TMEM132C: variants seen among roughly 807,000 people sequenced by gnomAD.
The protein encoded by TMEM132C is transmembrane protein 132C.
TMEM132C carries 29 observed loss-of-function variants against 61.4 expected under a neutral mutation model. The ratio of observed to expected loss-of-function variants is 0.47; its 90% confidence interval spans 0.35 to 0.64. The LOEUF (loss-of-function observed/expected upper bound fraction) is 0.64, where lower values mean the gene tolerates loss of function less well. Among genes scored for constraint, TMEM132C ranks in the 30% least tolerant of loss-of-function variants. TMEM132C has a pLI of 0.00. For missense variants in TMEM132C, 1,408 were observed against 1,476.9 expected, an observed-to-expected ratio of 0.95 and a Z score of 0.76; for synonymous variants, 656 against 633.1, an observed-to-expected ratio of 1.04 and a Z score of -0.54.
rs577252569 is a variant in TMEM132C, at chr12:128,439,756, G to T, written c.974+24136G>T. On this transcript the variant is annotated intron_variant, in intron 2 of 8. Transcript: ENST00000435159. The stretch of plus-strand genomic sequence containing the variant: ...TGTAGCTGACTGTAGTGGGGAGGGG[G>T]TCAAAGGGAGGGCACAATTGGATTT... Among the ~76,000 whole-genome samples the T allele has an allele frequency of 2.6e-5, 4 of 152,186 alleles. No homozygotes were observed. In the South Asian group the frequency reaches 8.3e-4, roughly 32 times the overall value.
chr12:128,284,078 G>A (rs1043126251), intron 1 of TMEM132C, among the ~76,000 whole-genome samples: 1 of 152,068 alleles, frequency 6.6e-6, no homozygotes, highest in African/African-American at 2.4e-5. Flanking sequence ...CCATTTTTTG[G>A]CAGGTCGGGG....
intron 5 of TMEM132C, among the ~76,000 whole-genome samples, chr12:128,682,527 G>C (rs1181000972): frequency 2.6e-5 from 4 of 152,216 alleles, no homozygotes; most frequent in African/African-American, 9.6e-5. Context: ...CTAGGAAGGC[G>C]TTGGTCCTGC....
chr12:128,704,573 T>C (rs567821867), intron 8 of TMEM132C, among the ~76,000 whole-genome samples: 8 of 152,322 alleles, frequency 5.3e-5, no homozygotes, highest in African/African-American at 1.9e-4. Context: ...CTGGGGGCAG[T>C]GCAGGGAGAA....
chr12:128,490,129 T>C (rs1372020593), intron 2 of TMEM132C, among the ~76,000 whole-genome samples: 4 of 152,090 alleles, frequency 2.6e-5, no homozygotes, highest in East Asian at 1.9e-4. Flanking sequence ...AGGGAGGTGA[T>C]TGGGGGAAGG....
intron 1 of TMEM132C, among the ~76,000 whole-genome samples, chr12:128,305,091 G>T (rs985766602): frequency 6.6e-6 from 1 of 151,712 alleles, no homozygotes. Flanking sequence ...AAAGCGTTGC[G>T]TATTAGGCTG....
intron 2 of TMEM132C, among the ~76,000 whole-genome samples, chr12:128,499,491 A>G (rs1872082769): frequency 1.3e-5 from 2 of 152,194 alleles, no homozygotes; most frequent in Non-Finnish European, 2.9e-5. Flanking sequence ...GTGCTACTGC[A>G]TACTAGAACT....
chr12:128,334,050 A>T (rs1028478815), intron 1 of TMEM132C, among the ~76,000 whole-genome samples: 3 of 152,018 alleles, frequency 2.0e-5, no homozygotes, highest in Non-Finnish European at 4.4e-5. Context: ...GGAGGAAGGC[A>T]CGGGAGAAGG....
intron 4 of TMEM132C, among the ~76,000 whole-genome samples, chr12:128,659,853 T>C (rs976910809): frequency 6.6e-6 from 1 of 152,208 alleles, no homozygotes; most frequent in Non-Finnish European, 1.5e-5. Flanking sequence ...TCAGGGCCAC[T>C]CGTCCACTCC....
chr12:128,666,282 G>A (rs1954473495), intron 4 of TMEM132C, among the ~76,000 whole-genome samples: 1 of 145,216 alleles, frequency 6.9e-6, no homozygotes, highest in African/African-American at 2.6e-5. Context: ...CACAAACACA[G>A]GCACACACAT....
intron 2 of TMEM132C, among the ~76,000 whole-genome samples, chr12:128,456,180 C>A (rs1870332999): frequency 6.6e-6 from 1 of 151,914 alleles, no homozygotes; most frequent in South Asian, 2.1e-4. Flanking sequence ...GGAACCAACT[C>A]TCTTAGTTTC....
At chr12:128,429,873 G>A (rs770695565) in intron 2 of TMEM132C, among the ~76,000 whole-genome samples, 2 of 152,152 alleles carry the variant, frequency 1.3e-5, no homozygotes, top group Admixed American at 6.5e-5. Flanking sequence ...TCTTAAAAAT[G>A]TGGGGCCACT....
intron 2 of TMEM132C, among the ~76,000 whole-genome samples, chr12:128,444,162 C>T (rs1869892899): frequency 6.6e-6 from 1 of 152,218 alleles, no homozygotes; most frequent in African/African-American, 2.4e-5. Context: ...TCAAGCGATC[C>T]TCCCGCCTCA....
chr12:128,665,832 C>T (rs1954459608), intron 4 of TMEM132C, among the ~76,000 whole-genome samples: 2 of 119,960 alleles, frequency 1.7e-5, no homozygotes, highest in Non-Finnish European at 3.3e-5. Flanking sequence ...CACAGGCACT[C>T]ACACAAACAC....
intron 2 of TMEM132C, among the ~76,000 whole-genome samples, chr12:128,520,650 A>T (rs1872876997): frequency 6.6e-6 from 1 of 152,184 alleles, no homozygotes; most frequent in South Asian, 2.1e-4. Context: ...GACTCTACCC[A>T]CTAAAATGCA....
intron 4 of TMEM132C, among the ~76,000 whole-genome samples, chr12:128,629,403 T>G (rs1187793816): frequency 6.6e-6 from 1 of 152,066 alleles, no homozygotes; most frequent in African/African-American, 2.4e-5. Flanking sequence ...CCTGGGAGGT[T>G]GAGGCTACAG....
At chr12:128,620,987 G>C (rs905960735) in intron 4 of TMEM132C, among the ~76,000 whole-genome samples, 2 of 152,050 alleles carry the variant, frequency 1.3e-5, no homozygotes, top group African/African-American at 4.8e-5. Context: ...ATTAGGGCTT[G>C]AGAGATCCTT....
intron 2 of TMEM132C, among the ~76,000 whole-genome samples, chr12:128,528,242 G>A (rs1311100307): frequency 3.3e-5 from 5 of 152,122 alleles, no homozygotes; most frequent in Admixed American, 6.5e-5. Flanking sequence ...TCTCATCTGC[G>A]GAATTTTGTG....
In TMEM132C at chr12:128,629,226, A is replaced by G. The variant is rs567148708; in HGVS notation, c.1305+12891A>G. Among the ~76,000 whole-genome samples, 4 of 152,348 alleles carry G rather than the reference A, an allele frequency of 2.6e-5. 1 individual carries two copies. The South Asian group carries it at 8.3e-4, about 32-fold the overall frequency. ...CTTTGTTAATCTTAAGAATAAAAAA[A>G]AACCTGGGACAGTTTCAGTGGCTCA... is the stretch of plus-strand genomic sequence containing the variant. On this transcript the variant is annotated intron_variant, in intron 4 of 8. Coordinates refer to ENST00000435159, the MANE Select transcript of TMEM132C (RefSeq NM_001136103.3).
In TMEM132C at chr12:128,363,426, C is replaced by T. The variant is rs138686866; in HGVS notation, c.86-51306C>T. Among the ~76,000 whole-genome samples, 558 of 152,244 alleles carry T rather than the reference C, an allele frequency of 3.7e-3. 2 individuals are homozygous for T. Among genetic ancestry groups the T allele is most frequent in the African/African-American group, 0.013 (536 of 41,544 alleles). ...GGCCTTCCTGCACAATCTATGTAACCGGCTTCAGTAAGGTGCCAGTGTTGT... is the reference window on the plus strand; with the variant it reads ...GGCCTTCCTGCACAATCTATGTAACTGGCTTCAGTAAGGTGCCAGTGTTGT... On this transcript the variant is annotated intron_variant, in intron 1 of 8. Coordinates refer to ENST00000435159, the MANE Select transcript of TMEM132C (RefSeq NM_001136103.3).
Sources: allele counts gnomAD v4.1 joint callset (sites outside exome capture counted in the v4.1 genomes callset), GRCh38; gene constraint gnomAD v4.1.1; transcripts MANE v1.5; gene names NCBI Gene and HGNC (gene_info 2026-07-23, HGNC 2026-07-21).